The following ETV1 variants were observed in gnomAD, a reference collection of about 807,000 sequenced individuals.
The protein encoded by ETV1 is ETS variant transcription factor 1.
A neutral mutation model predicts 62.3 loss-of-function variants in ETV1; 27 were observed. The ratio of observed to expected loss-of-function variants is 0.43; its 90% CI spans 0.32 to 0.60. ETV1 has a LOEUF of 0.60. Among genes scored for constraint, ETV1 ranks in the 20% least tolerant of loss-of-function variants. ETV1 has a pLI of 0.06. For synonymous variants in ETV1, 222 were observed against 199.6 expected, an observed-to-expected ratio of 1.11 and a Z score of -0.94; for missense variants, 605 against 605.8, an observed-to-expected ratio of 1.00 and a Z score of 0.01.
chr7:13,988,062 A>C, intron 4 of ETV1, 24 bp downstream of exon 4: 1 of 1,457,174 alleles, frequency 6.9e-7, no homozygotes, highest in Non-Finnish European at 9.6e-7. Flanking sequence ...AAAAATGGGG[A>C]TTCAGCCCAA....
intron 6 of ETV1, chr7:13,958,900 AAC>A (rs1308251101): frequency 3.9e-5 from 6 of 152,160 alleles, no homozygotes; most frequent in Admixed American, 3.9e-4. Context: ...TTATCCAACA[AAC>A]ACAGAGATAT....
rs1275693042 is a variant in ETV1, at chr7:13,893,601, A to G, written c.*2265T>C. 1 of 232,070 alleles carries G rather than the reference A, an allele frequency of 4.3e-6. No individual in the cohort carries two copies. The highest frequency in any genetic ancestry group is 2.2e-5 in the African/African-American group (1 of 45,198). 14.4% of individuals were successfully genotyped at this position (232,070 alleles called of 1,614,324 possible). A position where few individuals can be genotyped will look rare whatever the true frequency, so the allele number is the denominator to read the frequency against. ...ACTGACTGACTAAAACTAGACTATT[A>G]AAAAGAAGAAAAAGGAGAAAAGAGA... On this transcript the variant is annotated 3_prime_UTR_variant, in exon 14 of 14. Coordinates refer to ENST00000430479, the MANE Select transcript of ETV1 (RefSeq NM_004956.5).
chr7:13,935,203 G>A (rs1364603011), intron 8 of ETV1, among the ~76,000 whole-genome samples: 1 of 152,050 alleles, frequency 6.6e-6, no homozygotes, highest in African/African-American at 2.4e-5. Flanking sequence ...AGAGTCATGC[G>A]TCTACTGATA....
Position 13,988,151 on chromosome 7 carries a change from T to G in ETV1, c.68A>C (p.Asn23Thr). ...VTNSQRGRNC[N>T]EKPTNVRKRK... ...TTTCCTGACATTTGTTGGTTTCTCG[T>G]TACAATTTCTCCCACGCTGACTCTA... The change falls in exon 4 of 14, where the codon AAC (asparagine) becomes ACC (threonine). Residue 23 changes from asparagine (N) to threonine (T), a missense_variant. Around this residue, in one of 3 missense-constraint regions of ETV1, gnomAD observed 426 missense variants for 377.8 expected, o/e 1.13. Coordinates refer to ENST00000430479, the MANE Select transcript of ETV1 (RefSeq NM_004956.5). 3 of 1,611,464 alleles carry G rather than the reference T, an allele frequency of 1.9e-6. No homozygotes were observed. The highest frequency in any genetic ancestry group is 2.5e-6 in the Non-Finnish European group (3 of 1,177,696).
At chr7:13,949,117 T>C (rs35556294) in intron 6 of ETV1, among the ~76,000 whole-genome samples, 18,233 of 151,986 alleles carry the variant, frequency 0.12, 1,544 homozygotes, top group Non-Finnish European at 0.18. Flanking sequence ...ATAGTGTGGA[T>C]ACTAAAGTGC....
chr7:13,988,506 ATT>A (rs1422325142), intron 3 of ETV1: 65 of 743,100 alleles, frequency 8.7e-5, no homozygotes, highest in Non-Finnish European at 1.1e-4. Flanking sequence ...TCAATGCTAG[ATT>A]AAAACAGTGG....
Position 13,931,677 on chromosome 7 carries a change from A to C in ETV1, c.627T>G (p.Pro209=), listed in dbSNP as rs1786186270. 6.2e-7 allele frequency: 1 copy of C among 1,613,840 alleles called. No homozygotes were observed. Among genetic ancestry groups the C allele is most frequent in the African/African-American group, 1.3e-5 (1 of 74,942 alleles). Residue 209 remains proline (P), a synonymous_variant, in exon 9 of 14, where the codon CCT becomes CCG. Transcript: ENST00000430479. ...PLPTMPREGR[P]MYQRQMSEPN... is the part of the protein sequence containing the mutation. Reference sequence around the variant, plus strand: ...GCTCAGACATCTGGCGTTGGTACATAGGACGTCCTTCCCTTGGCATCGTCG... The same window carrying C: ...GCTCAGACATCTGGCGTTGGTACATCGGACGTCCTTCCCTTGGCATCGTCG...
intron 13 of ETV1, among the ~76,000 whole-genome samples, chr7:13,896,793 G>GAAAGA: frequency 2.8e-5 from 2 of 70,256 alleles, no homozygotes; most frequent in African/African-American, 1.0e-4. Flanking sequence ...AGAAAGAAAG[G>GAAAGA]ATACACAGCC....
chr7:13,988,213 C>T, intron 3 of ETV1, 40 bp from the exon 4 acceptor site: 1 of 1,344,878 alleles, frequency 7.4e-7, no homozygotes, highest in Non-Finnish European at 1.1e-6. Flanking sequence ...AGAATGTAAA[C>T]CTCAGATCAC....
chr7:13,988,595 G>GAAAAAAA (rs34468165), intron 3 of ETV1: 16 of 811,100 alleles, frequency 2.0e-5, no homozygotes, highest in South Asian at 7.9e-5. Flanking sequence ...GTAGAGAAAT[G>GAAAAAAA]AAAAAAAAAA....
intron 10 of ETV1, chr7:13,910,510 A>T: frequency 1.7e-6 from 1 of 575,000 alleles, no homozygotes; most frequent in Non-Finnish European, 2.2e-6. Flanking sequence ...ACCATCTCAT[A>T]CTACCCTTTA....
chr7:13,988,490 G>T, intron 3 of ETV1: 1 of 652,584 alleles, frequency 1.5e-6, no homozygotes, highest in East Asian at 2.9e-5. Context: ...TTGTTTTTAG[G>T]CTGGTTCAAT....
chr7:13,990,728 T>A (rs1053571630), upstream of ETV1: 2 of 152,140 alleles, frequency 1.3e-5, no homozygotes, highest in Non-Finnish European at 2.9e-5. Flanking sequence ...CAGTAAAGCG[T>A]CACTTTAAGG....
intron 6 of ETV1, among the ~76,000 whole-genome samples, chr7:13,956,092 C>T (rs887850645): frequency 1.3e-5 from 2 of 152,120 alleles, no homozygotes; most frequent in Non-Finnish European, 2.9e-5. Flanking sequence ...ATTACAATTA[C>T]ATTTGACTTA....
chr7:13,954,269 T>C (rs1789161846), intron 6 of ETV1, among the ~76,000 whole-genome samples: 1 of 152,224 alleles, frequency 6.6e-6, no homozygotes, highest in Admixed American at 6.5e-5. Context: ...AATGAATTTA[T>C]TACTGTGGGC....
chr7:13,898,609 A>C (rs534224444), intron 13 of ETV1, among the ~76,000 whole-genome samples: 1 of 152,190 alleles, frequency 6.6e-6, no homozygotes, highest in African/African-American at 2.4e-5. Flanking sequence ...ACATGTTCAG[A>C]TGTAAGTTAT....
intron 6 of ETV1, among the ~76,000 whole-genome samples, chr7:13,946,367 GCTGA>G (rs1788163386): frequency 6.6e-6 from 1 of 152,184 alleles, no homozygotes; most frequent in Non-Finnish European, 1.5e-5. Flanking sequence ...ACATCTTAAG[GCTGA>G]CTAATGATCA....
upstream of ETV1, among the ~76,000 whole-genome samples, chr7:13,990,871 C>T (rs1025069319): frequency 6.6e-6 from 1 of 152,154 alleles, no homozygotes; most frequent in Admixed American, 6.5e-5. Flanking sequence ...AGGAAACGTG[C>T]TGCAGTTCTC....
intron 9 of ETV1, among the ~76,000 whole-genome samples, chr7:13,921,688 T>G (rs1784867924): frequency 1.3e-5 from 2 of 152,198 alleles, no homozygotes; most frequent in South Asian, 4.1e-4. Flanking sequence ...AACCTCCAAT[T>G]TCTAATATCT....
Sources: allele counts gnomAD v4.1 joint callset (sites outside exome capture counted in the v4.1 genomes callset), GRCh38; gene constraint gnomAD v4.1.1; regional missense constraint gnomAD v4.1.1; transcripts MANE v1.5; gene names NCBI Gene and HGNC (gene_info 2026-07-23, HGNC 2026-07-21).